The following PAPPA2 variants were observed in gnomAD, a reference collection of about 807,000 sequenced individuals.
PAPPA2 encodes the protein pappalysin 2.
A neutral mutation model predicts 176.4 loss-of-function variants in PAPPA2; 86 were observed. The observed-to-expected ratio is 0.49, with a 90% confidence interval of 0.41 to 0.58. The LOEUF (loss-of-function observed/expected upper bound fraction) is 0.58, where lower values mean the gene tolerates loss of function less well. PAPPA2 is among the 20% of genes least tolerant of loss of function. The pLI is 0.00. For missense variants in PAPPA2, 2,073 were observed against 2,256.9 expected (o/e 0.92, Z 1.65); for synonymous variants, 809 against 852.2 (o/e 0.95, Z 0.88).
chr1:176,544,417 T>G (rs1425043033), intron 1 of PAPPA2, among the ~76,000 whole-genome samples: 4 of 152,220 alleles, frequency 2.6e-5, no homozygotes, highest in African/African-American at 9.6e-5. Flanking sequence ...TGGCCTATCT[T>G]AGAGTCAGCT....
chr1:176,660,062 C>A (rs1392857176), intron 3 of PAPPA2, among the ~76,000 whole-genome samples: 1 of 152,108 alleles, frequency 6.6e-6, no homozygotes, highest in East Asian at 1.9e-4. Context: ...CTTCACATGG[C>A]ATGGTTGCCA....
chr1:176,698,634 G>T (rs933958142), intron 7 of PAPPA2, among the ~76,000 whole-genome samples: 3 of 152,192 alleles, frequency 2.0e-5, no homozygotes, highest in Admixed American at 6.5e-5. Flanking sequence ...CAGTTGAAAG[G>T]ATTGCCAGGG....
chr1:176,823,112 C>G (rs550052177), intron 21 of PAPPA2, among the ~76,000 whole-genome samples: 2 of 152,160 alleles, frequency 1.3e-5, no homozygotes, highest in African/African-American at 4.8e-5. Context: ...AAATGAAGAA[C>G]ATAATTTTTC....
intron 17 of PAPPA2, among the ~76,000 whole-genome samples, chr1:176,779,281 G>A (rs1055698685): frequency 3.3e-5 from 5 of 152,000 alleles, no homozygotes; most frequent in African/African-American, 1.2e-4. Flanking sequence ...CTCCTCCTGT[G>A]TCTCTGGCTC....
At chr1:176,572,548 C>T (rs1652414243) in intron 2 of PAPPA2, among the ~76,000 whole-genome samples, 2 of 152,114 alleles carry the variant, frequency 1.3e-5, no homozygotes, top group Non-Finnish European at 2.9e-5. Context: ...CCCTGGGTTG[C>T]CTGACATCAC....
chr1:176,563,368 G>A (rs1318863645), intron 2 of PAPPA2, among the ~76,000 whole-genome samples: 7 of 152,178 alleles, frequency 4.6e-5, no homozygotes, highest in Non-Finnish European at 1.0e-4. Flanking sequence ...TTCATGTGAA[G>A]GAGGGGCTTA....
chr1:176,773,780 C>T (rs1664333772), intron 17 of PAPPA2, among the ~76,000 whole-genome samples: 2 of 151,996 alleles, frequency 1.3e-5, no homozygotes, highest in African/African-American at 2.4e-5. Context: ...AGGAAGGAAA[C>T]AATTACTAAA....
rs1307639820 is a variant in PAPPA2, at chr1:176,595,290, C to T, written c.1686C>T (p.Asn562=). The T allele has an allele frequency of 6.2e-7, 1 of 1,614,124 alleles. No homozygotes were observed. The highest frequency in any genetic ancestry group is 8.5e-7 in the Non-Finnish European group (1 of 1,180,054). Residue 562 remains asparagine (N), a synonymous_variant, in exon 3 of 23, where the codon AAC becomes AAT. Transcript: ENST00000367662. The part of the protein sequence containing the change: ...EALNEAFSRY[N]ISWQLSVHQV... ...TGAATGAGGCCTTCAGCCGCTACAA[C>T]ATCAGCTGGCAGCTGAGCGTCCACC...
At chr1:176,739,015 T>C (rs1162527809) in intron 12 of PAPPA2, among the ~76,000 whole-genome samples, 1 of 152,094 alleles carries the variant, frequency 6.6e-6, no homozygotes, top group East Asian at 1.9e-4. Flanking sequence ...GTATACATGC[T>C]TGATGCACCA....
intron 12 of PAPPA2, among the ~76,000 whole-genome samples, chr1:176,712,566 A>G (rs1403947918): frequency 1.3e-5 from 2 of 152,236 alleles, no homozygotes; most frequent in Non-Finnish European, 2.9e-5. Context: ...TGAATACACC[A>G]CCATATATTT....
In PAPPA2 at chr1:176,695,826, T is replaced by G. The variant is rs373733928; in HGVS notation, c.2713T>G (p.Ser905Ala). ...HTASSRRVCD[S>A]SGYWTPEEAV... ...AGCTTCCTCCCGGCGGGTGTGTGACTCCTCAGGTTATTGGACCCCAGAGGA... is the reference window on the plus strand; with the variant it reads ...AGCTTCCTCCCGGCGGGTGTGTGACGCCTCAGGTTATTGGACCCCAGAGGA... The change falls in exon 7 of 23, where the codon TCC (serine) becomes GCC (alanine). Residue 905 changes from serine to alanine, a missense_variant. Physicochemically the swap from Ser to Ala is moderately conservative, Grantham distance 99 (BLOSUM62 1). Coordinates refer to ENST00000367662, the MANE Select transcript of PAPPA2 (RefSeq NM_020318.3). 4.3e-6 allele frequency: 7 copies of G among 1,613,948 alleles called. No homozygotes were observed. In the African/African-American group the frequency reaches 8.0e-5, roughly 18 times the overall value.
intron 3 of PAPPA2, among the ~76,000 whole-genome samples, chr1:176,634,285 T>A (rs1656530318): frequency 6.6e-6 from 1 of 152,204 alleles, no homozygotes; most frequent in African/African-American, 2.4e-5. Context: ...GTTCATATCC[T>A]TTGTAGGGAC....
At chr1:176,711,129 C>T (rs1003749066) in intron 11 of PAPPA2, among the ~76,000 whole-genome samples, 5 of 152,076 alleles carry the variant, frequency 3.3e-5, no homozygotes, top group Non-Finnish European at 7.4e-5. Context: ...TTGTAAGGGA[C>T]CCTAAGGAGA....
At chr1:176,728,204 A>G (rs1661972730) in intron 12 of PAPPA2, among the ~76,000 whole-genome samples, 1 of 151,872 alleles carries the variant, frequency 6.6e-6, no homozygotes, top group Non-Finnish European at 1.5e-5. Context: ...CTTTCTCTGG[A>G]AATAGAAGCC....
intron 3 of PAPPA2, among the ~76,000 whole-genome samples, chr1:176,638,174 C>G (rs1345843556): frequency 6.6e-6 from 1 of 151,982 alleles, no homozygotes; most frequent in Non-Finnish European, 1.5e-5. Flanking sequence ...GTTATGATTT[C>G]AGGTATTCTT....
intron 2 of PAPPA2, among the ~76,000 whole-genome samples, chr1:176,581,229 C>T (rs1478027261): frequency 6.6e-6 from 1 of 152,184 alleles, no homozygotes; most frequent in African/African-American, 2.4e-5. Context: ...TTCCCTTCCG[C>T]AATCAATGTA....
chr1:176,737,516 G>T (rs1235310782), intron 12 of PAPPA2, among the ~76,000 whole-genome samples: 1 of 152,074 alleles, frequency 6.6e-6, no homozygotes, highest in Non-Finnish European at 1.5e-5. Context: ...CACTGTGAAA[G>T]GAAATGCCCA....
intron 2 of PAPPA2, among the ~76,000 whole-genome samples, chr1:176,561,846 C>T (rs917032999): frequency 1.3e-5 from 2 of 152,136 alleles, no homozygotes; most frequent in Non-Finnish European, 2.9e-5. Flanking sequence ...TTAATGGACT[C>T]ACAGTTCCAC....
intron 4 of PAPPA2, among the ~76,000 whole-genome samples, chr1:176,689,074 A>AG (rs1659977684): frequency 6.6e-6 from 1 of 152,204 alleles, no homozygotes. Context: ...CAGCACAGCC[A>AG]GGGGTGACCT....
Sources: allele counts gnomAD v4.1 joint callset (sites outside exome capture counted in the v4.1 genomes callset), GRCh38; gene constraint gnomAD v4.1.1; transcripts MANE v1.5; gene names NCBI Gene and HGNC (gene_info 2026-07-23, HGNC 2026-07-21).